Variants in TPX2 observed in about 807,000 individuals in gnomAD.
The protein encoded by TPX2 is targeting protein for Xklp2.
Under a neutral mutation model 93.6 loss-of-function variants are expected in TPX2, and 21 were observed. The ratio of observed to expected loss-of-function variants is 0.22; its 90% CI spans 0.16 to 0.32. TPX2 has a LOEUF of 0.32. Among genes scored for constraint, TPX2 ranks in the 10% least tolerant of loss-of-function variants. TPX2 has a pLI of 1.00. For synonymous variants in TPX2, 281 were observed against 298.3 expected (o/e 0.94, Z 0.60); for missense variants, 776 against 871.1 (o/e 0.89, Z 1.37).
intron 17 of TPX2, among the ~76,000 whole-genome samples, chr20:31,799,534 C>T (rs117477901): frequency 0.011 from 1,728 of 152,190 alleles, 17 homozygotes; most frequent in Non-Finnish European, 0.02. Context: ...ACATAGTAAC[C>T]ATTCCATAAT....
intron 12 of TPX2, among the ~76,000 whole-genome samples, chr20:31,788,361 T>C (rs1381367390): frequency 2.1e-5 from 3 of 139,922 alleles, no homozygotes; most frequent in South Asian, 2.2e-4. Flanking sequence ...GAGGTTGCAG[T>C]GAGCTGAGAT....
At chr20:31,747,196 CTG>C in intron 2 of TPX2, among the ~76,000 whole-genome samples, 1 of 152,210 alleles carries the variant, frequency 6.6e-6, no homozygotes, top group African/African-American at 2.4e-5. Flanking sequence ...TCTCGGCTCA[CTG>C]CAGCCTCCAC....
chr20:31,753,268 G>A (rs2061830761), intron 2 of TPX2, among the ~76,000 whole-genome samples: 1 of 152,178 alleles, frequency 6.6e-6, no homozygotes, highest in East Asian at 1.9e-4. Context: ...CTGAAGTCAC[G>A]AGCCTCAGGT....
At chr20:31,764,000 T>C (rs1053785352) in intron 4 of TPX2, among the ~76,000 whole-genome samples, 13 of 151,746 alleles carry the variant, frequency 8.6e-5, no homozygotes, top group African/African-American at 3.1e-4. Flanking sequence ...GCCTGGGCGA[T>C]AGAGCAAGAC....
In TPX2 at chr20:31,741,565, G is replaced by A. The variant is rs553192369; in HGVS notation, c.-177-976G>A. The stretch of plus-strand genomic sequence containing the variant: ...GCGCTCTCGGCTCACTGCAACCTCC[G>A]CCTCCTGGGTTCAAGCAATTCTCCT... On this transcript the variant is annotated intron_variant, in intron 1 of 17. Transcript: ENST00000300403. Among the ~76,000 whole-genome samples the A allele has an allele frequency of 9.9e-5, 15 of 151,860 alleles. No individual in the cohort carries two copies. In the South Asian group the frequency reaches 2.3e-3, roughly 23 times the overall value.
intron 17 of TPX2, among the ~76,000 whole-genome samples, chr20:31,800,452 T>G (rs1281310426): frequency 6.6e-6 from 1 of 152,204 alleles, no homozygotes; most frequent in Non-Finnish European, 1.5e-5. Context: ...CTGGCTTGAT[T>G]TAGGATTGAT....
chr20:31,749,009 G>A (rs1396843729), intron 2 of TPX2, among the ~76,000 whole-genome samples: 2 of 150,584 alleles, frequency 1.3e-5, no homozygotes, highest in African/African-American at 2.5e-5. Context: ...GCAGTGGCGC[G>A]ATCTCGGCTC....
chr20:31,773,954 C>T (rs1327312386), intron 7 of TPX2, among the ~76,000 whole-genome samples: 2 of 151,832 alleles, frequency 1.3e-5, no homozygotes, highest in African/African-American at 2.4e-5. Flanking sequence ...TTACTGCAAC[C>T]TCCGCTTCCC....
At chr20:31,773,886 A>G (rs1323158707) in intron 7 of TPX2, among the ~76,000 whole-genome samples, 1 of 141,734 alleles carries the variant, frequency 7.1e-6, no homozygotes, top group Admixed American at 7.0e-5. Flanking sequence ...TTTTTTTTTT[A>G]TCGAGATGGA....
intron 10 of TPX2, chr20:31,780,955 C>T (rs1344849278): frequency 9.8e-6 from 4 of 407,148 alleles, no homozygotes; most frequent in Non-Finnish European, 1.4e-5. Context: ...GGTCTTGCTC[C>T]GTCACCCAGG....
chr20:31,755,376 G>A (rs1237023338), intron 2 of TPX2, among the ~76,000 whole-genome samples: 4 of 152,008 alleles, frequency 2.6e-5, no homozygotes, highest in African/African-American at 4.8e-5. Flanking sequence ...GAGCCACTGC[G>A]CCACACTAGA....
chr20:31,761,364 G>C (rs2061889691), intron 4 of TPX2, among the ~76,000 whole-genome samples: 1 of 151,856 alleles, frequency 6.6e-6, no homozygotes. Context: ...AGCATGCCCG[G>C]CTAATTTTTG....
intron 12 of TPX2, among the ~76,000 whole-genome samples, chr20:31,790,511 C>G (rs2062093707): frequency 6.6e-6 from 1 of 152,178 alleles, no homozygotes; most frequent in African/African-American, 2.4e-5. Flanking sequence ...GAGGTGTAAA[C>G]TATTTGTTAA....
rs181437585 is a variant in TPX2 at position 31,746,702 on chromosome 20, C to T, written c.-71+4055C>T. ...TTAGAATGCACCCTCTTGCAGCTTT[C>T]CCCAACCCGGTCTGAACCTGCACCT... On this transcript the variant is annotated intron_variant, in intron 2 of 17. Coordinates refer to ENST00000300403, the MANE Select transcript of TPX2 (RefSeq NM_012112.5). Among the ~76,000 whole-genome samples the T allele has an allele frequency of 4.2e-3, 641 of 152,108 alleles. 3 individuals carry two copies. Among genetic ancestry groups the T allele is most frequent in the Middle Eastern group, 0.01 (3 of 294 alleles).
At chr20:31,784,953 ATCT>A (rs2062056327) in intron 12 of TPX2, among the ~76,000 whole-genome samples, 1 of 152,186 alleles carries the variant, frequency 6.6e-6, no homozygotes, top group South Asian at 2.1e-4. Flanking sequence ...CTGTTTTCCT[ATCT>A]TCTTTCTTTT....
intron 7 of TPX2, among the ~76,000 whole-genome samples, chr20:31,775,334 ATTT>A (rs1352920187): frequency 6.6e-6 from 1 of 151,248 alleles, no homozygotes; most frequent in Admixed American, 6.6e-5. Flanking sequence ...TTCTTCTGAA[ATTT>A]TTTCAGTATT....
intron 2 of TPX2, among the ~76,000 whole-genome samples, chr20:31,750,339 TAG>T (rs1200446156): frequency 6.6e-6 from 1 of 151,790 alleles, no homozygotes; most frequent in African/African-American, 2.4e-5. Context: ...ATATTTTTAG[TAG>T]AGACAGGGTT....
At chr20:31,795,979 T>C (rs1361531972) in intron 15 of TPX2, among the ~76,000 whole-genome samples, 10 of 152,198 alleles carry the variant, frequency 6.6e-5, no homozygotes, top group Non-Finnish European at 1.5e-4. Flanking sequence ...ATGGCTTACA[T>C]GACTGAACGT....
At chr20:31,766,857 G>T (rs1178396081) in intron 5 of TPX2, among the ~76,000 whole-genome samples, 175 bp downstream of exon 5, 1 of 141,482 alleles carries the variant, frequency 7.1e-6, no homozygotes, top group Non-Finnish European at 1.5e-5. Context: ...CTGGAGTGAA[G>T]TGGCATGATC....
Sources: gnomAD v4.1 joint callset for allele counts (sites outside exome capture counted in the v4.1 genomes callset) on GRCh38, gnomAD v4.1.1 for gene constraint, MANE v1.5 for transcripts, NCBI Gene and HGNC (gene_info 2026-07-23, HGNC 2026-07-21) for gene names.